Variants in ZNF514 observed in about 807,000 individuals in gnomAD.
ZNF514 encodes zinc finger protein 514.
Under a neutral mutation model 9.7 loss-of-function variants are expected in ZNF514, and 12 were observed. That is an observed-to-expected ratio of 1.24 (90% confidence interval 0.79 to 2.01). ZNF514 has a LOEUF of 2.01. Among genes scored for constraint, ZNF514 ranks in the 30% most tolerant of loss-of-function variants. The pLI is 0.00. For synonymous variants in ZNF514, 158 were observed against 163.7 expected, an observed-to-expected ratio of 0.97 and a Z score of 0.27; for missense variants, 467 against 465.5, an observed-to-expected ratio of 1.00 and a Z score of -0.03.
At chr2:95,135,444 C>T in the ZNF514 span, among the ~76,000 whole-genome samples, 1 of 146,012 alleles carries the variant, frequency 6.8e-6, no homozygotes, top group African/African-American at 2.5e-5. Flanking sequence ...TTTTTTGAGA[C>T]AGGGTCATGC....
At chr2:95,129,572 GCCCC>G in the ZNF514 span, among the ~76,000 whole-genome samples, 5 of 152,080 alleles carry the variant, frequency 3.3e-5, no homozygotes, top group Non-Finnish European at 7.4e-5. Flanking sequence ...CCTCCAAACT[GCCCC>G]CACTTACAGG....
chr2:95,149,808 T>C lies in ZNF514; in HGVS notation c.677A>G (p.His226Arg). 1.2e-6 allele frequency: 2 copies of C among 1,614,222 alleles called. No individual in the cohort carries two copies. The highest frequency in any genetic ancestry group is 2.2e-5 in the East Asian group (1 of 44,884). Residue 226 changes from histidine to arginine, a missense_variant, in exon 5 of 5, where the codon CAC (histidine) becomes CGC (arginine). Transcript: ENST00000295208. ...GCATTCATACGGCTTTTCTCCAGTG[T>C]GACATCGCTGATGGCGCCTAAGTTC... Reference protein sequence around the residue: ...QSELRRHQRCHTGEKPYECSD... With the variant: ...QSELRRHQRCRTGEKPYECSD...
In ZNF514 at chr2:95,146,757, T is replaced by C. The variant is rs193056767; in HGVS notation, c.*2525A>G. 6.6e-6 allele frequency among the ~76,000 whole-genome samples: 1 copy of C among 151,692 alleles called. No homozygotes were observed. On this transcript the variant is annotated 3_prime_UTR_variant, in exon 5 of 5. Transcript: ENST00000295208. ...TTTTGGACGAAGACCAGTTACAAAA[T>C]TGTGACAGATGTCTAGGTATAAAGT... is the stretch of plus-strand genomic sequence containing the variant.
chr2:95,137,325 A>G, the ZNF514 span, among the ~76,000 whole-genome samples: 1 of 152,074 alleles, frequency 6.6e-6, no homozygotes, highest in Non-Finnish European at 1.5e-5. Context: ...TATAATCTTC[A>G]CTCAAATAAT....
At position 95,150,435 on chromosome 2, in the gene ZNF514, G is replaced by A. The variant is rs1009512093; in HGVS notation, c.218-168C>T. On this transcript the variant is annotated intron_variant, in intron 4 of 4. Coordinates refer to ENST00000295208, the MANE Select transcript of ZNF514 (RefSeq NM_032788.3). ...ATGGCTTATGTCTGAAGATGGTTTT[G>A]GAGTATCAAGAATGAGTGATGAGCA... Among the ~76,000 whole-genome samples the A allele has an allele frequency of 5.3e-5, 8 of 152,142 alleles. No homozygotes were observed. The East Asian group carries it at 5.8e-4, about 11-fold the overall frequency.
At chr2:95,140,703 C>G (rs1676814291), downstream of ZNF514, among the ~76,000 whole-genome samples, 1 of 151,814 alleles carries the variant, frequency 6.6e-6, no homozygotes, top group African/African-American at 2.4e-5. Context: ...GAGCCGGGTG[C>G]AGTGGTTCAC....
At chr2:95,128,904 C>A in the ZNF514 span, among the ~76,000 whole-genome samples, 1 of 152,228 alleles carries the variant, frequency 6.6e-6, no homozygotes. Flanking sequence ...GAAGGATCCT[C>A]CGACCCTCTC....
At chr2:95,123,549 A>G in the ZNF514 span, among the ~76,000 whole-genome samples, 3 of 152,260 alleles carry the variant, frequency 2.0e-5, no homozygotes, top group Non-Finnish European at 4.4e-5. Context: ...ATCATGCAGA[A>G]CCATGAGTAA....
intron 1 of ZNF514, among the ~76,000 whole-genome samples, chr2:95,157,894 G>C (rs1486467540): frequency 6.6e-6 from 1 of 152,138 alleles, no homozygotes; most frequent in African/African-American, 2.4e-5. Context: ...CCTCATCCTT[G>C]GGAACCCAGC....
the ZNF514 span, among the ~76,000 whole-genome samples, chr2:95,135,043 A>G: frequency 6.6e-6 from 1 of 152,182 alleles, no homozygotes; most frequent in Non-Finnish European, 1.5e-5. Flanking sequence ...CCACTTCATT[A>G]TTCTTTTGCA....
At chr2:95,139,937 T>C in the ZNF514 span, among the ~76,000 whole-genome samples, 2 of 152,018 alleles carry the variant, frequency 1.3e-5, no homozygotes, top group East Asian at 1.9e-4. Context: ...TAAAAGTATG[T>C]TGGGGAGGCA....
chr2:95,140,224 G>T (rs1676805351), downstream of ZNF514, among the ~76,000 whole-genome samples: 1 of 152,054 alleles, frequency 6.6e-6, no homozygotes, highest in Admixed American at 6.5e-5. Context: ...ATGGCACATG[G>T]ATACCTATGT....
rs1336862266 is a variant in ZNF514 at position 95,149,079 on chromosome 2, G to C, written c.*203C>G. The C allele has an allele frequency of 1.7e-6, 1 of 592,518 alleles. No homozygotes were observed. Among genetic ancestry groups the C allele is most frequent in the African/African-American group, 1.9e-5 (1 of 53,674 alleles). 36.7% of individuals were successfully genotyped at this position (592,518 alleles called of 1,614,324 possible). A position where few individuals can be genotyped will look rare whatever the true frequency, so the allele number is the denominator to read the frequency against. ...ATTCACGTGGTTTCTCACTAGTATG[G>C]ATTCTCCCATGTTTGGTAAGAGAGG... On this transcript the variant is annotated 3_prime_UTR_variant, in exon 5 of 5. Coordinates refer to ENST00000295208, the MANE Select transcript of ZNF514 (RefSeq NM_032788.3).
intron 2 of ZNF514, chr2:95,153,992 T>C (rs1310504364): frequency 6.6e-6 from 1 of 152,196 alleles, no homozygotes; most frequent in Non-Finnish European, 1.5e-5. Flanking sequence ...AACAATTTTA[T>C]AATATAAAAT....
chr2:95,157,263 A>C, intron 2 of ZNF514, 88 bp downstream of exon 2: 2 of 808,596 alleles, frequency 2.5e-6, no homozygotes, highest in Non-Finnish European at 3.6e-6. Flanking sequence ...CAGTTCCCTT[A>C]GTGAAAAAAG....
chr2:95,156,751 G>C (rs1208412767), intron 2 of ZNF514, among the ~76,000 whole-genome samples: 3 of 152,122 alleles, frequency 2.0e-5, no homozygotes, highest in Admixed American at 6.5e-5. Context: ...CCAATGCATA[G>C]AGAGGTTAGG....
the ZNF514 span, among the ~76,000 whole-genome samples, chr2:95,126,371 CAAAAAA>C: frequency 3.9e-5 from 2 of 51,432 alleles, no homozygotes; most frequent in East Asian, 1.4e-3. Flanking sequence ...AACTCCATCT[CAAAAAA>C]AAAAAAAAAA....
chr2:95,149,557 G>A lies in ZNF514; in HGVS notation c.928C>T (p.His310Tyr), dbSNP rs779782277. ...TSSLIKHQRT[H>Y]TGEKPYECRE... ...CATTCATAGGGCTTTTCTCCAGTAT[G>A]AGTCCTCTGATGCTTAATAAGGGAT... The change falls in exon 5 of 5, where the codon CAT becomes TAT. Residue 310 changes from histidine to tyrosine, a missense_variant. By Grantham distance (83) the His-to-Tyr change is moderately conservative. Transcript: ENST00000295208. The A allele has an allele frequency of 3.7e-6, 6 of 1,613,964 alleles. No homozygotes were observed. The highest frequency in any genetic ancestry group is 5.1e-6 in the Non-Finnish European group (6 of 1,179,970).
chr2:95,154,030 T>A (rs779376949), intron 2 of ZNF514: 6 of 152,212 alleles, frequency 3.9e-5, no homozygotes, highest in Admixed American at 1.3e-4. Flanking sequence ...CATGAAAAAT[T>A]CACTACTATA....
Sources: allele counts gnomAD v4.1 joint callset (sites outside exome capture counted in the v4.1 genomes callset), GRCh38; gene constraint gnomAD v4.1.1; transcripts MANE v1.5; gene names NCBI Gene and HGNC (gene_info 2026-07-23, HGNC 2026-07-21).